Variants in ULK4 observed in about 807,000 individuals in gnomAD.
The protein encoded by ULK4 is inactive serine/threonine-protein kinase ULK4.
A neutral mutation model predicts 160.6 loss-of-function variants in ULK4; 133 were observed. The ratio of observed to expected loss-of-function variants is 0.83; its 90% CI spans 0.72 to 0.96. The LOEUF (loss-of-function observed/expected upper bound fraction) is 0.96. Ranked by LOEUF, ULK4 falls within the 40% of genes least tolerant of loss-of-function variation. ULK4 has a pLI of 0.00. For synonymous variants in ULK4, 534 were observed against 539.8 expected (o/e 0.99, Z 0.15); for missense variants, 1,580 against 1,499.5 (o/e 1.05, Z -0.89).
At chr3:41,906,144 G>A (rs1212185389) in intron 12 of ULK4, among the ~76,000 whole-genome samples, 1 of 150,298 alleles carries the variant, frequency 6.7e-6, no homozygotes, top group Admixed American at 6.7e-5. Flanking sequence ...GTGAACCCGG[G>A]AGGCGGAGCT....
intron 31 of ULK4, among the ~76,000 whole-genome samples, chr3:41,598,937 A>C (rs2031875098): frequency 6.6e-6 from 1 of 152,076 alleles, no homozygotes; most frequent in Non-Finnish European, 1.5e-5. Context: ...ACTGGGCTGC[A>C]CTCCTTTCTG....
intron 17 of ULK4, among the ~76,000 whole-genome samples, chr3:41,844,620 A>G (rs975173353): frequency 6.6e-6 from 1 of 152,204 alleles, no homozygotes; most frequent in African/African-American, 2.4e-5. Context: ...CCCACAGTGC[A>G]GCAGCAGGCT....
intron 35 of ULK4, among the ~76,000 whole-genome samples, chr3:41,365,729 C>G (rs895054162): frequency 6.6e-6 from 1 of 152,102 alleles, no homozygotes; most frequent in Non-Finnish European, 1.5e-5. Context: ...AGCCCCTGCT[C>G]TTCACCATTA....
rs1320522020 is a variant in ULK4 at position 41,574,593 on chromosome 3, G to A, written c.3121-8463C>T. ...GTCTTGCTCTGCCACCCAGGCTGCA[G>A]TGCAGTGGCAAGATCTCAGCTCAAT... On this transcript the variant is annotated intron_variant, in intron 31 of 36. Transcript: ENST00000301831. Among the ~76,000 whole-genome samples, 3 of 135,978 alleles carry A rather than the reference G, an allele frequency of 2.2e-5. No individual in the cohort carries two copies. In the Admixed American group the frequency reaches 2.6e-4, roughly 12 times the overall value. The allele number at this position is 135,978 out of a possible 152,430, so 89.2% of individuals were successfully genotyped here. A position where few individuals can be genotyped will look rare whatever the true frequency, so the allele number is the denominator to read the frequency against.
chr3:41,931,568 C>T (rs543910822), intron 5 of ULK4, among the ~76,000 whole-genome samples: 2 of 151,956 alleles, frequency 1.3e-5, no homozygotes, highest in African/African-American at 4.8e-5. Flanking sequence ...GGCACCATTC[C>T]CTTCCTATGT....
At chr3:41,587,444 T>G (rs2030908874) in intron 31 of ULK4, among the ~76,000 whole-genome samples, 1 of 152,180 alleles carries the variant, frequency 6.6e-6, no homozygotes. Flanking sequence ...GGGATAGAGC[T>G]CCTGGGTGAC....
intron 27 of ULK4, among the ~76,000 whole-genome samples, chr3:41,682,390 AAAAG>A (rs2035952141): frequency 6.6e-6 from 1 of 152,232 alleles, no homozygotes; most frequent in South Asian, 2.1e-4. Flanking sequence ...AAAATACCAA[AAAAG>A]AAAGAATCCC....
intron 35 of ULK4, among the ~76,000 whole-genome samples, chr3:41,283,150 AG>A (rs2079391937): frequency 6.6e-6 from 1 of 152,248 alleles, no homozygotes; most frequent in Non-Finnish European, 1.5e-5. Flanking sequence ...AGGAAACAAC[AG>A]ATGCTGGAAA....
At chr3:41,809,580 A>G (rs908848952) in intron 19 of ULK4, among the ~76,000 whole-genome samples, 4 of 152,178 alleles carry the variant, frequency 2.6e-5, no homozygotes, top group African/African-American at 7.2e-5. Context: ...CAGTTTCCGC[A>G]TATCACTGAT....
chr3:41,917,274 C>T (rs2148809992), intron 7 of ULK4, among the ~76,000 whole-genome samples: 1 of 152,064 alleles, frequency 6.6e-6, no homozygotes, highest in African/African-American at 2.4e-5. Flanking sequence ...GAGGCCAAGG[C>T]AGGCGGATCA....
chr3:41,622,358 C>T (rs2125692379), intron 30 of ULK4, among the ~76,000 whole-genome samples: 1 of 152,262 alleles, frequency 6.6e-6, no homozygotes, highest in Non-Finnish European at 1.5e-5. Flanking sequence ...CCCAAATGCC[C>T]ATCAATGATA....
At chr3:41,549,791 A>T (rs1457184898) in intron 32 of ULK4, among the ~76,000 whole-genome samples, 1 of 152,114 alleles carries the variant, frequency 6.6e-6, no homozygotes, top group Admixed American at 6.5e-5. Context: ...TAAAAACAGT[A>T]AGAAAAAAAA....
At chr3:41,604,460 C>T (rs1214742476) in intron 31 of ULK4, among the ~76,000 whole-genome samples, 1 of 151,984 alleles carries the variant, frequency 6.6e-6, no homozygotes, top group Non-Finnish European at 1.5e-5. Flanking sequence ...TTATGTGACA[C>T]ATATAGAGCA....
chr3:41,809,921 C>G (rs2040768022), intron 19 of ULK4, among the ~76,000 whole-genome samples: 1 of 152,040 alleles, frequency 6.6e-6, no homozygotes, highest in Non-Finnish European at 1.5e-5. Context: ...AGAAAACATA[C>G]TCAATGAAAA....
chr3:41,958,751 G>GA (rs768329978), intron 1 of ULK4, among the ~76,000 whole-genome samples: 10 of 150,346 alleles, frequency 6.7e-5, no homozygotes, highest in African/African-American at 1.2e-4. Context: ...TTTTACAGAT[G>GA]AAAAAAAAAT....
chr3:41,614,331 C>T (rs564883381), intron 31 of ULK4, among the ~76,000 whole-genome samples: 2 of 152,322 alleles, frequency 1.3e-5, no homozygotes, highest in South Asian at 4.1e-4. Context: ...ACAGCTTTGG[C>T]TCTTGCCCCA....
intron 32 of ULK4, among the ~76,000 whole-genome samples, chr3:41,503,963 T>C (rs556133326): frequency 6.6e-6 from 1 of 152,304 alleles, no homozygotes; most frequent in East Asian, 1.9e-4. Context: ...GAAAAGGCCA[T>C]CTTGGTTGAA....
intron 6 of ULK4, among the ~76,000 whole-genome samples, chr3:41,919,198 C>G (rs1474792039): frequency 1.3e-5 from 2 of 152,262 alleles, no homozygotes; most frequent in East Asian, 3.9e-4. Flanking sequence ...TTTCAGCATT[C>G]CAGATTATCA....
intron 27 of ULK4, among the ~76,000 whole-genome samples, chr3:41,688,918 G>C (rs1194277088): frequency 6.6e-6 from 1 of 152,194 alleles, no homozygotes; most frequent in African/African-American, 2.4e-5. Context: ...GGAACCAGTA[G>C]GGAAGCCAAA....
Sources: gnomAD v4.1 joint callset for allele counts (sites outside exome capture counted in the v4.1 genomes callset) on GRCh38, gnomAD v4.1.1 for gene constraint, MANE v1.5 for transcripts, NCBI Gene and HGNC (gene_info 2026-07-23, HGNC 2026-07-21) for gene names.